The following ALDOB variants were observed in gnomAD, a reference collection of about 807,000 sequenced individuals.
The protein encoded by ALDOB is fructose-bisphosphate aldolase B.
Under a neutral mutation model 41.0 loss-of-function variants are expected in ALDOB, and 39 were observed. That is an observed-to-expected ratio of 0.95 (90% CI 0.74 to 1.24). ALDOB has a LOEUF of 1.24. Ranked by LOEUF, ALDOB falls within the 50% of genes most tolerant of loss-of-function variation. ALDOB has a pLI of 0.00. For missense variants in ALDOB, 530 were observed against 457.3 expected (o/e 1.16, Z -1.45); for synonymous variants, 175 against 168.8 (o/e 1.04, Z -0.28).
Position 101,421,523 on chromosome 9 carries a change from G to T in ALDOB, c.*286C>A. The T allele has an allele frequency of 2.2e-6, 1 of 460,996 alleles. No individual in the cohort carries two copies. 28.6% of individuals were successfully genotyped at this position (460,996 alleles called of 1,614,324 possible). A position where few individuals can be genotyped will look rare whatever the true frequency, so the allele number is the denominator to read the frequency against. ...GCAGTTGTTCTTTGGATGAGGAGCC[G>T]ATATTGTTTTAAAGCCTATTATTTT... On this transcript the variant is annotated 3_prime_UTR_variant, in exon 9 of 9. Transcript: ENST00000647789.
chr9:101,422,010 T>G (rs1413504905), intron 8 of ALDOB, 106 bp from the exon 9 acceptor site: 1 of 933,356 alleles, frequency 1.1e-6, no homozygotes, highest in Non-Finnish European at 1.7e-6. Flanking sequence ...TCAGATTTTC[T>G]TCTTTTTACA....
At chr9:101,425,175 G>C in intron 7 of ALDOB, 133 bp from the exon 8 acceptor site, 4 of 1,097,134 alleles carry the variant, frequency 3.6e-6, no homozygotes, top group Non-Finnish European at 5.4e-6. Flanking sequence ...AGCAAACTGA[G>C]AAATCAGTTT....
chr9:101,420,872 G>A lies in ALDOB; in HGVS notation c.*937C>T, dbSNP rs1831036620. On this transcript the variant is annotated 3_prime_UTR_variant, in exon 9 of 9. Transcript: ENST00000647789. ...TTGAAAGTCAATACAGTATCATTAT[G>A]TGAATATTATTTACTGCAAAACTAC... The A allele has an allele frequency of 6.6e-6, 1 of 152,150 alleles. No individual in the cohort carries two copies. 9.4% of individuals were successfully genotyped at this position (152,150 alleles called of 1,614,324 possible).
chr9:101,434,354 A>C (rs1213415763), intron 1 of ALDOB, among the ~76,000 whole-genome samples: 1 of 152,220 alleles, frequency 6.6e-6, no homozygotes, highest in Non-Finnish European at 1.5e-5. Context: ...CTAATCCTTC[A>C]GCAAAATAGC....
At position 101,425,446 on chromosome 9, in the gene ALDOB, G is replaced by A. The variant is rs1447918520; in HGVS notation, c.799+7C>T. 6.2e-7 allele frequency: 1 copy of A among 1,614,090 alleles called. No homozygotes were observed. The highest frequency in any genetic ancestry group is 1.1e-5 in the South Asian group (1 of 91,074). ...GACCTTGAGTTAGAGAAGAAAGAAG[G>A]CCTTACCAGGAACAGCTGCAGGAAC... On this transcript the variant is annotated splice_region_variant and intron_variant, in intron 7 of 8. Transcript: ENST00000647789.
chr9:101,424,068 C>G (rs1031919976), intron 8 of ALDOB, among the ~76,000 whole-genome samples: 15 of 152,052 alleles, frequency 9.9e-5, no homozygotes, highest in Non-Finnish European at 1.5e-4. Context: ...ATCTCAGGGT[C>G]TTTTCTTGGC....
intron 1 of ALDOB, among the ~76,000 whole-genome samples, chr9:101,435,406 C>G (rs1831276601): frequency 6.6e-6 from 1 of 152,118 alleles, no homozygotes; most frequent in South Asian, 2.1e-4. Context: ...TAGGAGTGTT[C>G]AAGTTGTTTT....
At chr9:101,427,986 C>T (rs1408344592) in intron 4 of ALDOB, among the ~76,000 whole-genome samples, 1 of 152,168 alleles carries the variant, frequency 6.6e-6, no homozygotes, top group African/African-American at 2.4e-5. Flanking sequence ...GATTCAAATT[C>T]TGCTTAGCTA....
chr9:101,433,349 A>G (rs1335416277), intron 1 of ALDOB, among the ~76,000 whole-genome samples: 2 of 152,222 alleles, frequency 1.3e-5, no homozygotes, highest in East Asian at 3.9e-4. Flanking sequence ...TCAAACTAAT[A>G]CTGTTTACAG....
rs199642880 is a variant in ALDOB at position 101,424,862 on chromosome 9, G to A, written c.980C>T (p.Ala327Val). 2.5e-6 allele frequency: 4 copies of A among 1,613,300 alleles called. No individual in the cohort carries two copies. The highest frequency in any genetic ancestry group is 3.4e-6 in the Non-Finnish European group (4 of 1,180,028). ...KAANKEATQE[A>V]FMKRAMANCQ... ...TCTTACCATGGCCCGCTTCATAAAA[G>A]CCTCCTGGGTTGCCTCCTTGTTTGC... Residue 327 changes from alanine (A) to valine (V), a missense_variant, in exon 8 of 9, where the codon GCT becomes GTT. Physicochemically the swap from Ala to Val is moderately conservative, Grantham distance 64. Coordinates refer to ENST00000647789, the MANE Select transcript of ALDOB (RefSeq NM_000035.4).
At position 101,429,831 on chromosome 9, in the gene ALDOB, G is replaced by T. The variant is rs568367333; in HGVS notation, c.248C>A (p.Thr83Asn). The T allele has an allele frequency of 1.9e-6, 3 of 1,613,996 alleles. No individual in the cohort carries two copies. The African/African-American group carries it at 4.0e-5, about 22-fold the overall frequency. ...SIGGVILFHE[T>N]LYQKDSQGKL... ...TCCCTGGCTGTCCTTCTGGTAGAGG[G>T]TCTCGTGGAAAAGGATCACACCCCC... The change falls in exon 3 of 9, where the codon ACC (threonine) becomes AAC (asparagine). Residue 83 changes from threonine (T) to asparagine (N), a missense_variant. By Grantham distance (65) the Thr-to-Asn change is moderately conservative. Coordinates refer to ENST00000647789, the MANE Select transcript of ALDOB (RefSeq NM_000035.4).
At chr9:101,432,192 G>A (rs1414922661) in intron 1 of ALDOB, among the ~76,000 whole-genome samples, 1 of 152,194 alleles carries the variant, frequency 6.6e-6, no homozygotes, top group Admixed American at 6.5e-5. Context: ...AGGTATAACT[G>A]ATGATCTCAT....
chr9:101,435,415 T>C (rs1035099766), intron 1 of ALDOB, among the ~76,000 whole-genome samples: 1 of 152,194 alleles, frequency 6.6e-6, no homozygotes, highest in Non-Finnish European at 1.5e-5. Context: ...TCAAGTTGTT[T>C]TTCCTAGATC....
At chr9:101,427,112 C>T (rs1831141819) in intron 5 of ALDOB, among the ~76,000 whole-genome samples, 1 of 152,172 alleles carries the variant, frequency 6.6e-6, no homozygotes, top group Non-Finnish European at 1.5e-5. Flanking sequence ...TGGATTGGAA[C>T]TCGGTCAGAG....
At chr9:101,421,954 A>G in intron 8 of ALDOB, 50 bp from the exon 9 acceptor site, 9 of 1,480,564 alleles carry the variant, frequency 6.1e-6, no homozygotes, top group South Asian at 2.3e-5. Context: ...ATGTGACCCC[A>G]CCTTGACCCT....
intron 1 of ALDOB, among the ~76,000 whole-genome samples, chr9:101,433,284 A>AT (rs1403902407): frequency 6.6e-6 from 1 of 152,208 alleles, no homozygotes; most frequent in Non-Finnish European, 1.5e-5. Context: ...TTACTAAACT[A>AT]TTTTCTTCAA....
intron 3 of ALDOB, 103 bp from the exon 4 acceptor site, chr9:101,428,626 T>C (rs1831166408): frequency 3.9e-6 from 4 of 1,028,654 alleles, no homozygotes; most frequent in African/African-American, 1.6e-5. Context: ...AGGAGTTGAA[T>C]TAGTAAAGTG....
At chr9:101,433,211 T>C (rs535632072) in intron 1 of ALDOB, among the ~76,000 whole-genome samples, 1 of 152,348 alleles carries the variant, frequency 6.6e-6, no homozygotes, top group African/African-American at 2.4e-5. Context: ...AATGTATTAC[T>C]AATTCTCTTT....
intron 8 of ALDOB, 95 bp downstream of exon 8, chr9:101,424,748 C>A (rs566015961): frequency 1.4e-6 from 2 of 1,460,554 alleles, no homozygotes; most frequent in Non-Finnish European, 1.9e-6. Flanking sequence ...CGGTAGATAC[C>A]TTCTTGGCCC....
Sources: gnomAD v4.1 joint callset for allele counts (sites outside exome capture counted in the v4.1 genomes callset) on GRCh38, gnomAD v4.1.1 for gene constraint, MANE v1.5 for transcripts, NCBI Gene and HGNC (gene_info 2026-07-23, HGNC 2026-07-21) for gene names.